The following LANCL2 variants were observed in gnomAD, a reference collection of about 807,000 sequenced individuals.
The protein encoded by LANCL2 is LanC like glutathione S-transferase 2, also known as lanC-like protein 2.
Under a neutral mutation model 56.9 loss-of-function variants are expected in LANCL2, and 33 were observed. The ratio of observed to expected loss-of-function variants is 0.58; its 90% confidence interval spans 0.44 to 0.78. LANCL2 has a LOEUF of 0.78. LANCL2 is among the 30% of genes least tolerant of loss of function. LANCL2 has a pLI of 0.00. For missense variants in LANCL2, 562 were observed against 580.2 expected (o/e 0.97, Z 0.32); for synonymous variants, 233 against 228.2 (o/e 1.02, Z -0.19).
intron 2 of LANCL2, among the ~76,000 whole-genome samples, chr7:55,395,266 A>G (rs1206020403): frequency 2.0e-5 from 3 of 152,174 alleles, no homozygotes; most frequent in African/African-American, 7.2e-5. Flanking sequence ...CAGTGGAGGG[A>G]GAAAAACGCA....
intron 5 of LANCL2, among the ~76,000 whole-genome samples, chr7:55,402,610 C>A (rs1342831366): frequency 8.3e-6 from 1 of 120,952 alleles, no homozygotes; most frequent in Non-Finnish European, 1.8e-5. Context: ...GATGACCCCC[C>A]CACCTCCCTC....
chr7:55,431,623 G>A lies in LANCL2; in HGVS notation c.*303G>A. 3.3e-6 allele frequency: 1 copy of A among 304,180 alleles called. No homozygotes were observed. The highest frequency in any genetic ancestry group is 7.1e-5 in the South Asian group (1 of 14,098). The allele number at this position is 304,180 out of a possible 1,614,324, so 18.8% of individuals were successfully genotyped here. A position where few individuals can be genotyped will look rare whatever the true frequency, so the allele number is the denominator to read the frequency against. Reference sequence around the variant, plus strand: ...GCCCTTCTATTCCTGAGGGCTCAGAGCTGACCATGCATGAATGTATGGCAG... The same window carrying A: ...GCCCTTCTATTCCTGAGGGCTCAGAACTGACCATGCATGAATGTATGGCAG... On this transcript the variant is annotated 3_prime_UTR_variant, in exon 9 of 9. Transcript: ENST00000254770.
chr7:55,426,449 G>A (rs755980311), intron 7 of LANCL2, among the ~76,000 whole-genome samples: 3 of 152,224 alleles, frequency 2.0e-5, no homozygotes, highest in Non-Finnish European at 4.4e-5. Flanking sequence ...GTTAGATGGA[G>A]GCATTGCGGC....
At chr7:55,397,271 A>C (rs1453313729) in intron 2 of LANCL2, 1 of 151,948 alleles carries the variant, frequency 6.6e-6, no homozygotes, top group Non-Finnish European at 1.5e-5. Flanking sequence ...GACCAGCCTG[A>C]CCAACATGGT....
At chr7:55,418,176 T>TA (rs1390285713) in intron 6 of LANCL2, among the ~76,000 whole-genome samples, 15 of 118,374 alleles carry the variant, frequency 1.3e-4, no homozygotes, top group African/African-American at 3.2e-4. Context: ...TATATAGAAA[T>TA]ACAATTGCGT....
intron 6 of LANCL2, among the ~76,000 whole-genome samples, chr7:55,413,442 G>A (rs1790492924): frequency 6.6e-6 from 1 of 152,210 alleles, no homozygotes; most frequent in Non-Finnish European, 1.5e-5. Flanking sequence ...GGTGTTCCCG[G>A]TGGCTGATCT....
intron 1 of LANCL2, among the ~76,000 whole-genome samples, chr7:55,382,620 T>A (rs1180425395): frequency 2.0e-5 from 3 of 151,996 alleles, no homozygotes; most frequent in Admixed American, 2.0e-4. Context: ...GATGAAATCT[T>A]AGGGGTCACA....
At chr7:55,389,515 A>G (rs534724791) in intron 1 of LANCL2, among the ~76,000 whole-genome samples, 2 of 152,380 alleles carry the variant, frequency 1.3e-5, no homozygotes, top group South Asian at 4.1e-4. Flanking sequence ...GAAATGTCCC[A>G]TAAAATAGCT....
chr7:55,416,943 T>C (rs2128995764), intron 6 of LANCL2, among the ~76,000 whole-genome samples: 1 of 151,238 alleles, frequency 6.6e-6, no homozygotes. Flanking sequence ...AAGTTTTGTA[T>C]ATTACATGAG....
intron 5 of LANCL2, among the ~76,000 whole-genome samples, chr7:55,404,727 C>T (rs1790385757): frequency 1.3e-5 from 2 of 152,062 alleles, no homozygotes; most frequent in South Asian, 4.1e-4. Context: ...CATTCTTCTG[C>T]CTTAGCCTCC....
intron 5 of LANCL2, among the ~76,000 whole-genome samples, chr7:55,404,762 C>T (rs979433697): frequency 5.9e-5 from 9 of 152,056 alleles, no homozygotes; most frequent in Non-Finnish European, 8.8e-5. Context: ...TACAGGCATG[C>T]ACCGCCACAC....
At chr7:55,425,771 T>C (rs550748848) in intron 7 of LANCL2, among the ~76,000 whole-genome samples, 1 of 152,324 alleles carries the variant, frequency 6.6e-6, no homozygotes, top group East Asian at 1.9e-4. Flanking sequence ...AAAAAAATAC[T>C]ACCCACCTCC....
intron 6 of LANCL2, among the ~76,000 whole-genome samples, chr7:55,424,853 T>A (rs1397390874): frequency 6.6e-6 from 1 of 152,250 alleles, no homozygotes; most frequent in East Asian, 1.9e-4. Context: ...AGCGGCCACA[T>A]TAGATTCTCG....
chr7:55,403,681 C>T (rs546097306), intron 5 of LANCL2, among the ~76,000 whole-genome samples: 5 of 149,872 alleles, frequency 3.3e-5, no homozygotes, highest in Non-Finnish European at 5.9e-5. Context: ...CGGTGATTCT[C>T]CTGCCTCAGC....
intron 2 of LANCL2, among the ~76,000 whole-genome samples, chr7:55,396,072 G>T (rs1790248708): frequency 6.6e-6 from 1 of 152,202 alleles, no homozygotes; most frequent in Non-Finnish European, 1.5e-5. Context: ...TAAAAATATG[G>T]TATTATGATT....
chr7:55,398,025 A>C (rs1228569898), intron 2 of LANCL2, among the ~76,000 whole-genome samples: 1 of 152,264 alleles, frequency 6.6e-6, no homozygotes, highest in Admixed American at 6.5e-5. Flanking sequence ...ACATAGGAGA[A>C]ATGATTTTAC....
At chr7:55,383,894 C>G (rs1016145362) in intron 1 of LANCL2, among the ~76,000 whole-genome samples, 1 of 152,134 alleles carries the variant, frequency 6.6e-6, no homozygotes, top group Admixed American at 6.6e-5. Flanking sequence ...TCAGCCAACA[C>G]CCAGGAATAA....
At chr7:55,405,149 GTA>G (rs1348677815) in intron 5 of LANCL2, among the ~76,000 whole-genome samples, 1 of 152,114 alleles carries the variant, frequency 6.6e-6, no homozygotes, top group Non-Finnish European at 1.5e-5. Flanking sequence ...TGCCAGGGCT[GTA>G]ACTCCACTCC....
intron 1 of LANCL2, among the ~76,000 whole-genome samples, chr7:55,374,336 C>T (rs1465427353): frequency 2.0e-5 from 3 of 152,058 alleles, no homozygotes; most frequent in Non-Finnish European, 4.4e-5. Flanking sequence ...TGTTATATTA[C>T]TGAGTTTGAA....
Sources: allele counts gnomAD v4.1 joint callset (sites outside exome capture counted in the v4.1 genomes callset), GRCh38; gene constraint gnomAD v4.1.1; transcripts MANE v1.5; gene names NCBI Gene and HGNC (gene_info 2026-07-23, HGNC 2026-07-21).